The following EIF3K variants were observed in gnomAD, a reference collection of about 807,000 sequenced individuals.
EIF3K encodes eIF-3 p28.
A neutral mutation model predicts 34.2 loss-of-function variants in EIF3K; 27 were observed. The observed-to-expected ratio is 0.79, with a 90% CI of 0.58 to 1.09. EIF3K has a LOEUF of 1.09. EIF3K is among the 50% of genes least tolerant of loss of function. The pLI, the probability that EIF3K is intolerant of heterozygous loss-of-function variation, is 0.00. For missense variants in EIF3K, 232 were observed against 275.4 expected (o/e 0.84, Z 1.11); for synonymous variants, 105 against 105.7 (o/e 0.99, Z 0.04).
chr19:38,634,225 T>C (rs574541186), intron 6 of EIF3K, among the ~76,000 whole-genome samples: 2 of 142,890 alleles, frequency 1.4e-5, no homozygotes, highest in South Asian at 2.4e-4. Flanking sequence ...GCCTTCCAAA[T>C]AGCTGAGACT....
intron 2 of EIF3K, among the ~76,000 whole-genome samples, chr19:38,621,119 C>T (rs1337817759): frequency 1.3e-5 from 2 of 151,568 alleles, no homozygotes. Flanking sequence ...ATCGCTTAAG[C>T]CTGGAAGATT....
chr19:38,626,125 G>A, intron 4 of EIF3K, 23 bp downstream of exon 4: 4 of 1,605,700 alleles, frequency 2.5e-6, no homozygotes, highest in Non-Finnish European at 3.4e-6. Flanking sequence ...GGGTCCAGGG[G>A]CAGGGGAGAT....
In EIF3K at chr19:38,636,951, CA is replaced by C. The variant is rs1175966261; in HGVS notation, c.*32del. Reference sequence around the variant, plus strand: ...GGTGTTTAATAAAGATGTGTTGACTCAGCCCTACTGTCTCCTCCCTGGCTTC... The same window carrying C: ...GGTGTTTAATAAAGATGTGTTGACTCGCCCTACTGTCTCCTCCCTGGCTTC... On this transcript the variant is annotated 3_prime_UTR_variant, in exon 8 of 8. Transcript: ENST00000248342. 6.2e-7 allele frequency: 1 copy of C among 1,613,758 alleles called. No homozygotes were observed. The highest frequency in any genetic ancestry group is 1.3e-5 in the African/African-American group (1 of 74,904).
chr19:38,626,346 A>C, intron 4 of EIF3K: 1 of 500,892 alleles, frequency 2.0e-6, no homozygotes, highest in Non-Finnish European at 3.6e-6. Flanking sequence ...CCTCTAGTAC[A>C]CACCGTTGAT....
intron 5 of EIF3K, 29 bp downstream of exon 5, chr19:38,632,525 C>CAAGGGG (rs777443813): frequency 6.2e-7 from 1 of 1,613,990 alleles, no homozygotes; most frequent in Non-Finnish European, 8.5e-7. Flanking sequence ...CTGGGCTCCC[C>CAAGGGG]AAGGGGAAGG....
At chr19:38,621,197 T>TAA (rs34987023) in intron 2 of EIF3K, among the ~76,000 whole-genome samples, 1,754 of 120,030 alleles carry the variant, frequency 0.015, 34 homozygotes, top group African/African-American at 0.049. Context: ...CCCCTCTTTT[T>TAA]AAAAAAAAAA....
In EIF3K at chr19:38,632,344, A is replaced by G. The variant is rs1976087276; in HGVS notation, c.355-86A>G. 12 of 1,325,324 alleles carry G rather than the reference A, an allele frequency of 9.1e-6. No individual in the cohort carries two copies. The East Asian group carries it at 2.7e-4, about 29-fold the overall frequency. 82.1% of individuals were successfully genotyped at this position (1,325,324 alleles called of 1,614,324 possible). On this transcript the variant is annotated intron_variant, in intron 4 of 7. Transcript: ENST00000248342. ...AATTCAAGACCAGCCTGGGCAACGT[A>G]GTGAGACCCCATCTCTATAAATAAA...
At chr19:38,626,126 C>G (rs1440231890) in intron 4 of EIF3K, 24 bp downstream of exon 4, 7 of 1,602,940 alleles carry the variant, frequency 4.4e-6, no homozygotes, top group Non-Finnish European at 5.1e-6. Flanking sequence ...GGTCCAGGGG[C>G]AGGGGAGATG....
At chr19:38,632,835 T>A in intron 6 of EIF3K, 157 bp downstream of exon 6, 1 of 623,944 alleles carries the variant, frequency 1.6e-6, no homozygotes, top group Non-Finnish European at 2.7e-6. Flanking sequence ...TAAGACAGTC[T>A]CTGCCTTGAG....
chr19:38,628,380 C>T (rs1975991298), intron 4 of EIF3K: 1 of 152,314 alleles, frequency 6.6e-6, no homozygotes, highest in South Asian at 2.1e-4. Context: ...CCTCCTCCCT[C>T]TGTGAGTTTC....
chr19:38,635,535 C>T (rs1203091874), intron 7 of EIF3K: 1 of 253,094 alleles, frequency 4.0e-6, no homozygotes, highest in Non-Finnish European at 7.6e-6. Context: ...ATTTTTGTGC[C>T]TCAGTTTTCT....
intron 3 of EIF3K, among the ~76,000 whole-genome samples, chr19:38,625,080 C>T (rs767604469): frequency 2.5e-4 from 38 of 151,992 alleles, no homozygotes; most frequent in Non-Finnish European, 4.4e-4. Flanking sequence ...AAGCAGAGCT[C>T]GGTGCTGTCT....
intron 4 of EIF3K, among the ~76,000 whole-genome samples, chr19:38,627,492 C>G (rs1325778849): frequency 6.6e-6 from 1 of 151,894 alleles, no homozygotes; most frequent in Non-Finnish European, 1.5e-5. Context: ...TGGAGAAATA[C>G]TGTCTTAACT....
Position 38,635,030 on chromosome 19 carries a change from G to T in EIF3K, c.537G>T (p.Trp179Cys). 6.2e-7 allele frequency: 1 copy of T among 1,614,174 alleles called. No individual in the cohort carries two copies. Among genetic ancestry groups the T allele is most frequent in the Non-Finnish European group, 8.5e-7 (1 of 1,180,050 alleles). ...AGGTGTGGATGAGCAAATACGGCTG[G>T]AGTGCCGACGAGTCGGGGCAGATCT... is the stretch of plus-strand genomic sequence containing the variant. ...QLKVWMSKYG[W>C]SADESGQIFI... Residue 179 changes from tryptophan (W) to cysteine (C), a missense_variant, in exon 7 of 8, where the codon TGG becomes TGT. Transcript: ENST00000248342.
chr19:38,634,090 CTTTTTTTTT>C (rs757394196), intron 6 of EIF3K, among the ~76,000 whole-genome samples: 14 of 86,036 alleles, frequency 1.6e-4, no homozygotes, highest in African/African-American at 4.2e-4. Context: ...TAAAAGCTAA[CTTTTTTTTT>C]TTTTTTTTTT....
intron 7 of EIF3K, 76 bp from the exon 8 acceptor site, chr19:38,636,813 G>C: frequency 6.5e-7 from 1 of 1,544,848 alleles, no homozygotes; most frequent in Non-Finnish European, 9.0e-7. Flanking sequence ...CTAAAGAATT[G>C]TGGGTGCTGT....
chr19:38,636,287 C>CG (rs919989969), intron 7 of EIF3K, among the ~76,000 whole-genome samples: 2 of 152,132 alleles, frequency 1.3e-5, no homozygotes, highest in South Asian at 4.1e-4. Context: ...CCAGCCCTGC[C>CG]GGGGGAGTAG....
intron 6 of EIF3K, among the ~76,000 whole-genome samples, chr19:38,634,690 G>T (rs181089258): frequency 6.6e-6 from 1 of 152,182 alleles, no homozygotes; most frequent in Non-Finnish European, 1.5e-5. Flanking sequence ...AGATAAATAC[G>T]CTGCTCTTGT....
intron 6 of EIF3K, among the ~76,000 whole-genome samples, chr19:38,634,386 G>A (rs1238539651): frequency 2.6e-5 from 4 of 151,016 alleles, no homozygotes; most frequent in Non-Finnish European, 5.9e-5. Flanking sequence ...ATCACCTGAG[G>A]TCGGGAGTTC....
Sources: gnomAD v4.1 joint callset for allele counts (sites outside exome capture counted in the v4.1 genomes callset) on GRCh38, gnomAD v4.1.1 for gene constraint, MANE v1.5 for transcripts, NCBI Gene and HGNC (gene_info 2026-07-23, HGNC 2026-07-21) for gene names.